The following CRB1 variants were observed in gnomAD, a reference collection of about 807,000 sequenced individuals.
CRB1 encodes crumbs cell polarity complex component 1.
A neutral mutation model predicts 120.0 loss-of-function variants in CRB1; 83 were observed. That is an observed-to-expected ratio of 0.69 (90% CI 0.58 to 0.83). CRB1 has a LOEUF of 0.83. CRB1 is among the 40% of genes least tolerant of loss of function. The probability of loss-of-function intolerance (pLI) is 0.00; values close to 1 mark genes in which losing one functional copy is unlikely to be tolerated. For missense variants in CRB1, 1,699 were observed against 1,687.6 expected (o/e 1.01, Z -0.12); for synonymous variants, 625 against 612.5 (o/e 1.02, Z -0.30).
rs551204881 is a variant in CRB1, at chr1:197,453,854, AAT to A, written c.4005+11569_4005+11570del. On this transcript the variant is annotated intron_variant, in intron 11 of 11. Coordinates refer to ENST00000367400, the MANE Select transcript of CRB1 (RefSeq NM_201253.3). ...TTAATATATTATCAATATTATTATT[AAT>A]ATATATTAATATTATTAATAATATA... Among the ~76,000 whole-genome samples, 570 of 141,794 alleles carry A rather than the reference AAT, an allele frequency of 4.0e-3. 17 individuals are homozygous for A. The East Asian group carries it at 0.046, about 12-fold the overall frequency. 93.0% of individuals were successfully genotyped at this position (141,794 alleles called of 152,430 possible). A position where few individuals can be genotyped will look rare whatever the true frequency, so the allele number is the denominator to read the frequency against.
chr1:197,203,464 A>G, the CRB1 span, among the ~76,000 whole-genome samples: 1 of 152,038 alleles, frequency 6.6e-6, no homozygotes. Flanking sequence ...TAGTGTGACT[A>G]CAGGCGCATG....
chr1:197,205,022 T>C, the CRB1 span, among the ~76,000 whole-genome samples: 1 of 152,222 alleles, frequency 6.6e-6, no homozygotes, highest in Non-Finnish European at 1.5e-5. Context: ...TTTTTGCAGC[T>C]ATTGTAAAAG....
intron 3 of CRB1, among the ~76,000 whole-genome samples, chr1:197,345,276 T>A (rs1362904727): frequency 1.3e-5 from 2 of 152,128 alleles, no homozygotes; most frequent in Non-Finnish European, 2.9e-5. Context: ...GAAGGCAAGA[T>A]AAGTATTTAT....
At chr1:197,286,870 ATTAT>A (rs760255662) in intron 1 of CRB1, among the ~76,000 whole-genome samples, 15 of 152,044 alleles carry the variant, frequency 9.9e-5, no homozygotes, top group Non-Finnish European at 1.5e-4. Flanking sequence ...ATTTAATTTG[ATTAT>A]TTAAGCATTT....
intron 5 of CRB1, among the ~76,000 whole-genome samples, chr1:197,363,394 G>A (rs1309291546): frequency 3.9e-5 from 6 of 152,002 alleles, no homozygotes; most frequent in Non-Finnish European, 1.5e-5. Flanking sequence ...AGGTATGCTA[G>A]TGACAATTTC....
intron 5 of CRB1, among the ~76,000 whole-genome samples, chr1:197,407,812 C>T (rs1041525942): frequency 1.3e-5 from 2 of 152,124 alleles, no homozygotes; most frequent in Non-Finnish European, 2.9e-5. Context: ...AAAAATATTA[C>T]ATATATTTTC....
At chr1:197,205,324 C>T in the CRB1 span, among the ~76,000 whole-genome samples, 6 of 152,106 alleles carry the variant, frequency 3.9e-5, no homozygotes, top group Admixed American at 3.3e-4. Context: ...TTATTTTGTT[C>T]CAGTTCTCAG....
chr1:197,443,355 CT>C (rs1177511237), intron 11 of CRB1: 1 of 151,880 alleles, frequency 6.6e-6, no homozygotes, highest in Non-Finnish European at 1.5e-5. Context: ...ATAAAACTGT[CT>C]CTCTAACAAA....
chr1:197,406,138 A>G lies in CRB1; in HGVS notation c.1172-14862A>G, dbSNP rs1449264749. Reference sequence around the variant, plus strand: ...GGCGGTTTTGTGGAATGGAAAGGGGAGAAAGGTGGGGAAAAGATTGAGAAA... The same window carrying G: ...GGCGGTTTTGTGGAATGGAAAGGGGGGAAAGGTGGGGAAAAGATTGAGAAA... On this transcript the variant is annotated intron_variant, in intron 5 of 11. Transcript: ENST00000367400. Among the ~76,000 whole-genome samples, 11 of 152,266 alleles carry G rather than the reference A, an allele frequency of 7.2e-5. No homozygotes were observed. The East Asian group carries it at 1.9e-3, about 27-fold the overall frequency.
chr1:197,327,132 A>AAC (rs1558055752), intron 1 of CRB1, among the ~76,000 whole-genome samples: 4 of 148,670 alleles, frequency 2.7e-5, no homozygotes, highest in African/African-American at 7.5e-5. Context: ...AAAAAAAAAA[A>AAC]CAGAAACCAA....
At chr1:197,223,910 G>A in the CRB1 span, among the ~76,000 whole-genome samples, 1 of 152,020 alleles carries the variant, frequency 6.6e-6, no homozygotes, top group African/African-American at 2.4e-5. Context: ...GAGTATAGAT[G>A]CTTTTAATTA....
intron 2 of CRB1, among the ~76,000 whole-genome samples, chr1:197,332,539 G>A (rs1180795906): frequency 6.6e-6 from 1 of 152,094 alleles, no homozygotes; most frequent in Non-Finnish European, 1.5e-5. Context: ...AGCTGGTTAG[G>A]CTTGTTCGGG....
chr1:197,446,745 A>G (rs1022239696), intron 11 of CRB1, among the ~76,000 whole-genome samples: 1 of 152,188 alleles, frequency 6.6e-6, no homozygotes. Flanking sequence ...AGATTTTAAA[A>G]GTTTGAAGCA....
At chr1:197,302,260 A>T (rs148615556) in intron 1 of CRB1, among the ~76,000 whole-genome samples, 16 of 152,308 alleles carry the variant, frequency 1.1e-4, no homozygotes, top group Admixed American at 9.8e-4. Context: ...GGCTGAGATG[A>T]TCGTTAGCAT....
At chr1:197,387,421 G>C (rs2125409070) in intron 5 of CRB1, among the ~76,000 whole-genome samples, 1 of 152,034 alleles carries the variant, frequency 6.6e-6, no homozygotes, top group South Asian at 2.1e-4. Context: ...ATTTGTCTTT[G>C]GTAATTCTCC....
chr1:197,225,897 C>T, the CRB1 span, among the ~76,000 whole-genome samples: 1 of 152,104 alleles, frequency 6.6e-6, no homozygotes, highest in African/African-American at 2.4e-5. Context: ...CACAGCCTTT[C>T]TTTCTTTTTT....
chr1:197,254,328 A>T, the CRB1 span, among the ~76,000 whole-genome samples: 1 of 152,036 alleles, frequency 6.6e-6, no homozygotes, highest in African/African-American at 2.4e-5. Flanking sequence ...TGCAATCATT[A>T]TTTATAGCAA....
intron 1 of CRB1, among the ~76,000 whole-genome samples, chr1:197,309,793 T>TAAAC (rs1162761771): frequency 9.9e-5 from 15 of 151,114 alleles, no homozygotes; most frequent in Admixed American, 4.6e-4. Context: ...AATAAATAAA[T>TAAAC]AAATTTACTT....
chr1:197,264,119 C>T (rs476505), upstream of CRB1, among the ~76,000 whole-genome samples: 1,852 of 152,228 alleles, frequency 0.012, 41 homozygotes, highest in African/African-American at 0.042. Flanking sequence ...TCATCTATCC[C>T]TCCTCCAACT....
Sources: gnomAD v4.1 joint callset for allele counts (sites outside exome capture counted in the v4.1 genomes callset) on GRCh38, gnomAD v4.1.1 for gene constraint, MANE v1.5 for transcripts, NCBI Gene and HGNC (gene_info 2026-07-23, HGNC 2026-07-21) for gene names.